The following GLRA3 variants were observed in gnomAD, a reference collection of about 807,000 sequenced individuals.
GLRA3 encodes the protein glycine receptor alpha 3, also known as glycine receptor subunit alpha-3.
In GLRA3, 44 loss-of-function variants were observed where a neutral mutation model predicts 60.4. The ratio of observed to expected loss-of-function variants is 0.73; its 90% CI spans 0.57 to 0.94. The LOEUF (loss-of-function observed/expected upper bound fraction) is 0.94, where lower values mean the gene tolerates loss of function less well. GLRA3 is among the 40% of genes least tolerant of loss of function. The probability of loss-of-function intolerance (pLI) is 0.00; values close to 1 mark genes in which losing one functional copy is unlikely to be tolerated. For synonymous variants in GLRA3, 223 were observed against 192.9 expected (o/e 1.16, Z -1.29); for missense variants, 508 against 564.6 (o/e 0.90, Z 1.02).
At chr4:174,747,227 A>C (rs1306433098) in intron 3 of GLRA3, among the ~76,000 whole-genome samples, 2 of 152,160 alleles carry the variant, frequency 1.3e-5, no homozygotes, top group East Asian at 1.9e-4. Flanking sequence ...CGAGGACATA[A>C]GGGCAGTGGT....
intron 1 of GLRA3, among the ~76,000 whole-genome samples, chr4:174,801,271 A>G (rs1490156166): frequency 6.6e-6 from 1 of 152,062 alleles, no homozygotes; most frequent in Non-Finnish European, 1.5e-5. Context: ...CAATTAATTC[A>G]TATTGAGACT....
chr4:174,670,328 A>G (rs1733857751), intron 7 of GLRA3, among the ~76,000 whole-genome samples: 1 of 152,114 alleles, frequency 6.6e-6, no homozygotes, highest in South Asian at 2.1e-4. Flanking sequence ...CTGGAGTTCA[A>G]GAGCTTCATT....
At chr4:174,748,393 C>T (rs1737331859) in intron 3 of GLRA3, among the ~76,000 whole-genome samples, 1 of 152,006 alleles carries the variant, frequency 6.6e-6, no homozygotes, top group Admixed American at 6.6e-5. Context: ...TCAGGTACAA[C>T]CATTTAAAGT....
Position 174,692,314 on chromosome 4 carries a change from G to A in GLRA3, c.575-9375C>T, listed in dbSNP as rs1232872143. 4.1e-3 allele frequency among the ~76,000 whole-genome samples: 597 copies of A among 147,104 alleles called. 4 individuals carry two copies. The highest frequency in any genetic ancestry group is 6.8e-3 in the Non-Finnish European group (451 of 66,638). ...GCCAGCCGCCCCGTCTGGGAGGGAG[G>A]TGGGGGGGTCAGCCCCCCGCTCGGC... On this transcript the variant is annotated intron_variant, in intron 5 of 9. Transcript: ENST00000274093.
chr4:174,711,150 T>C (rs942689322), intron 5 of GLRA3, among the ~76,000 whole-genome samples: 6 of 151,914 alleles, frequency 3.9e-5, no homozygotes, highest in African/African-American at 1.4e-4. Flanking sequence ...TTTCTAATTT[T>C]ATTGCATTTT....
chr4:174,804,027 G>C (rs1739928263), intron 1 of GLRA3, among the ~76,000 whole-genome samples: 1 of 152,102 alleles, frequency 6.6e-6, no homozygotes, highest in African/African-American at 2.4e-5. Context: ...CTGCTGAATG[G>C]ATATTTAAAG....
At position 174,747,382 on chromosome 4, in the gene GLRA3, G is replaced by A. The variant is rs114882643; in HGVS notation, c.268-18684C>T. Among the ~76,000 whole-genome samples the A allele has an allele frequency of 6.3e-3, 961 of 152,280 alleles. 9 individuals carry two copies. The highest frequency in any genetic ancestry group is 0.022 in the African/African-American group (920 of 41,552). ...GGGTGGGGCGAGAATTCAGTCTGAT[G>A]ACTTAAGGTGAGACAGATTATACAG... is the stretch of plus-strand genomic sequence containing the variant. On this transcript the variant is annotated intron_variant, in intron 3 of 9. Transcript: ENST00000274093.
rs553306775 is a variant in GLRA3, at chr4:174,689,756, T to TAAAAAAAAAAAA, written c.575-6829_575-6818dup. 2.3e-4 allele frequency among the ~76,000 whole-genome samples: 9 copies of TAAAAAAAAAAAA among 39,542 alleles called. 2 individuals are homozygous for TAAAAAAAAAAAA. Among genetic ancestry groups the TAAAAAAAAAAAA allele is most frequent in the East Asian group, 1.7e-3 (2 of 1,212 alleles). 25.9% of individuals were successfully genotyped at this position (39,542 alleles called of 152,430 possible). ...AAAGGCACAGAGTGGTAAGTCGCAT[T>TAAAAAAAAAAAA]AAAAAAAAAAAAAAAAAAAAAAAAA... is the stretch of plus-strand genomic sequence containing the variant. On this transcript the variant is annotated intron_variant, in intron 5 of 9. Coordinates refer to ENST00000274093, the MANE Select transcript of GLRA3 (RefSeq NM_006529.4).
At chr4:174,805,422 A>G (rs1410730021) in intron 1 of GLRA3, among the ~76,000 whole-genome samples, 1 of 152,128 alleles carries the variant, frequency 6.6e-6, no homozygotes, top group Non-Finnish European at 1.5e-5. Context: ...GAAGCTAATC[A>G]TCATGTTGTG....
intron 1 of GLRA3, among the ~76,000 whole-genome samples, chr4:174,806,526 A>G (rs929061563): frequency 6.6e-6 from 1 of 152,082 alleles, no homozygotes; most frequent in South Asian, 2.1e-4. Context: ...TCAGAAAAAG[A>G]GGATGGTTGT....
intron 7 of GLRA3, among the ~76,000 whole-genome samples, chr4:174,669,336 G>A (rs1206531691): frequency 6.6e-6 from 1 of 152,020 alleles, no homozygotes; most frequent in African/African-American, 2.4e-5. Context: ...GTGGAATGAA[G>A]CTGATACTGA....
chr4:174,672,559 C>T (rs752664528), intron 7 of GLRA3, among the ~76,000 whole-genome samples: 9 of 151,960 alleles, frequency 5.9e-5, no homozygotes, highest in Non-Finnish European at 1.3e-4. Flanking sequence ...CAGCACTCCT[C>T]CATGGAAAGA....
intron 3 of GLRA3, among the ~76,000 whole-genome samples, chr4:174,749,674 G>T (rs75801108): frequency 0.14 from 21,141 of 151,900 alleles, 1,759 homozygotes; most frequent in African/African-American, 0.23. Flanking sequence ...ATAAAATCTG[G>T]TGCAGAAAAT....
At chr4:174,803,735 C>A (rs1433221880) in intron 1 of GLRA3, among the ~76,000 whole-genome samples, 1 of 152,068 alleles carries the variant, frequency 6.6e-6, no homozygotes, top group Non-Finnish European at 1.5e-5. Flanking sequence ...TCCACTCAAC[C>A]TTGTTTATGT....
rs574796366 is a variant in GLRA3 at position 174,741,625 on chromosome 4, T to A, written c.268-12927A>T. Among the ~76,000 whole-genome samples the A allele has an allele frequency of 2.6e-5, 4 of 152,228 alleles. No individual in the cohort carries two copies. In the South Asian group the frequency reaches 8.3e-4, roughly 32 times the overall value. ...TATCCATTATTTATATTTTTTAAAT[T>A]GTGCTTTTGGTGTTATATCTAAGAG... On this transcript the variant is annotated intron_variant, in intron 3 of 9. Transcript: ENST00000274093.
chr4:174,675,436 T>G (rs188038286), intron 7 of GLRA3, among the ~76,000 whole-genome samples: 3 of 152,302 alleles, frequency 2.0e-5, no homozygotes, highest in African/African-American at 7.2e-5. Flanking sequence ...TACCTTACTC[T>G]CTGTATCTAA....
intron 5 of GLRA3, among the ~76,000 whole-genome samples, chr4:174,688,423 C>T (rs375137606): frequency 2.9e-5 from 4 of 138,764 alleles, no homozygotes; most frequent in East Asian, 4.3e-4. Flanking sequence ...TGTTTTCCTA[C>T]TTTGTCCCCT....
chr4:174,769,965 G>A lies in GLRA3; in HGVS notation c.200-2935C>T, dbSNP rs1738314104. Among the ~76,000 whole-genome samples, 3 of 151,928 alleles carry A rather than the reference G, an allele frequency of 2.0e-5. 1 individual carries two copies. The South Asian group carries it at 6.2e-4, about 32-fold the overall frequency. On this transcript the variant is annotated intron_variant, in intron 2 of 9. Coordinates refer to ENST00000274093, the MANE Select transcript of GLRA3 (RefSeq NM_006529.4). ...CCCAAAGCCATTTTGTAGATGACCT[G>A]TTTTTCTTTCTGAAAATAAATAGGA... is the stretch of plus-strand genomic sequence containing the variant.
At chr4:174,655,464 GT>G (rs1733161690) in intron 9 of GLRA3, among the ~76,000 whole-genome samples, 1 of 151,960 alleles carries the variant, frequency 6.6e-6, no homozygotes, top group African/African-American at 2.4e-5. Flanking sequence ...AGATAAGCCT[GT>G]TTTTTCATTA....
Sources: gnomAD v4.1 joint callset for allele counts (sites outside exome capture counted in the v4.1 genomes callset) on GRCh38, gnomAD v4.1.1 for gene constraint, MANE v1.5 for transcripts, NCBI Gene and HGNC (gene_info 2026-07-23, HGNC 2026-07-21) for gene names.